Variants in NETO1 observed in about 807,000 individuals in gnomAD.
The protein encoded by NETO1 is neuropilin and tolloid-like protein 1.
In NETO1, 26 loss-of-function variants were observed where a neutral mutation model predicts 61.3. The ratio of observed to expected loss-of-function variants is 0.42; its 90% CI spans 0.31 to 0.59. The LOEUF is 0.59. Ranked by LOEUF, NETO1 falls within the 20% of genes least tolerant of loss-of-function variation. The pLI, the probability that NETO1 is intolerant of heterozygous loss-of-function variation, is 0.12. For missense variants in NETO1, 531 were observed against 662.8 expected, an observed-to-expected ratio of 0.80 and a Z score of 2.18; for synonymous variants, 225 against 225.8, an observed-to-expected ratio of 1.00 and a Z score of 0.03.
At chr18:72,829,353 A>C (rs1479364647) in intron 4 of NETO1, among the ~76,000 whole-genome samples, 1 of 152,172 alleles carries the variant, frequency 6.6e-6, no homozygotes, top group Admixed American at 6.5e-5. Flanking sequence ...ATTTTCCTTA[A>C]AGAAACTTAA....
At chr18:72,863,652 A>G (rs2074647718) in intron 3 of NETO1, among the ~76,000 whole-genome samples, 1 of 152,156 alleles carries the variant, frequency 6.6e-6, no homozygotes, top group Non-Finnish European at 1.5e-5. Context: ...TGGCCCAATA[A>G]TTACCAAAAA....
At chr18:72,817,148 A>C (rs2145256762) in intron 4 of NETO1, among the ~76,000 whole-genome samples, 1 of 152,340 alleles carries the variant, frequency 6.6e-6, no homozygotes, top group Non-Finnish European at 1.5e-5. Flanking sequence ...TTCTTTCACC[A>C]ATAGAATGGA....
intron 4 of NETO1, among the ~76,000 whole-genome samples, chr18:72,824,302 A>G (rs72968321): frequency 1.3e-5 from 2 of 152,056 alleles, no homozygotes; most frequent in African/African-American, 4.8e-5. Flanking sequence ...GGTAAACTTC[A>G]TTTCTAGTCT....
intron 4 of NETO1, among the ~76,000 whole-genome samples, chr18:72,820,265 G>A (rs1362380044): frequency 7.9e-5 from 12 of 152,150 alleles, no homozygotes; most frequent in African/African-American, 2.7e-4. Flanking sequence ...AACGTATGCA[G>A]ATAAAATTTA....
chr18:72,830,123 T>G lies in NETO1; in HGVS notation c.469+28703A>C, dbSNP rs2073526064. Among the ~76,000 whole-genome samples the G allele has an allele frequency of 6.6e-6, 1 of 152,140 alleles. No individual in the cohort carries two copies. On this transcript the variant is annotated intron_variant, in intron 4 of 10. Coordinates refer to ENST00000327305, the MANE Select transcript of NETO1 (RefSeq NM_138966.5). The surrounding 1 kb of genome is among the most constrained non-coding windows in gnomAD (Gnocchi z 4.9). ...CTATGTGGCTGAAATATGAAGGAAG[T>G]ACTATAAAACCTATGGCTTTATCAT... is the stretch of plus-strand genomic sequence containing the variant.
At chr18:72,752,099 G>A (rs977149494) in intron 8 of NETO1, 1 of 152,090 alleles carries the variant, frequency 6.6e-6, no homozygotes, top group Non-Finnish European at 1.5e-5. Context: ...GACAGTTAGT[G>A]TCTTAAGAGC....
intron 4 of NETO1, among the ~76,000 whole-genome samples, chr18:72,825,290 T>C (rs1208354938): frequency 6.6e-6 from 1 of 152,206 alleles, no homozygotes; most frequent in Non-Finnish European, 1.5e-5. Context: ...ATGCTGGTTT[T>C]CTATGTCTTC....
chr18:72,782,325 T>G (rs10084088), intron 7 of NETO1, among the ~76,000 whole-genome samples: 50,787 of 152,004 alleles, frequency 0.33, 8,750 homozygotes, highest in Admixed American at 0.46. Flanking sequence ...AACACACACA[T>G]GCATGTGTCT....
intron 7 of NETO1, among the ~76,000 whole-genome samples, chr18:72,768,501 C>A (rs1229955379): frequency 3.9e-5 from 6 of 152,170 alleles, no homozygotes. Context: ...TAATGGCTCT[C>A]CAAGTTGTCC....
Position 72,834,198 on chromosome 18 carries a change from T to A in NETO1, c.469+24628A>T, listed in dbSNP as rs2073669571. The A allele has an allele frequency of 1.5e-5, 9 of 599,504 alleles. No homozygotes were observed. The South Asian group carries it at 6.7e-4, about 45-fold the overall frequency. The allele number at this position is 599,504 out of a possible 1,614,324, so 37.1% of individuals were successfully genotyped here. A position where few individuals can be genotyped will look rare whatever the true frequency, so the allele number is the denominator to read the frequency against. Reference sequence around the variant, plus strand: ...TTTAATAAAATACAACATATATGCATATTAGTGTACTGTAAAATACGTATT... The same window carrying A: ...TTTAATAAAATACAACATATATGCAAATTAGTGTACTGTAAAATACGTATT... On this transcript the variant is annotated intron_variant, in intron 4 of 10. Transcript: ENST00000327305.
At chr18:72,766,218 AT>A (rs758283624) in intron 7 of NETO1, among the ~76,000 whole-genome samples, 3,424 of 75,334 alleles carry the variant, frequency 0.045, 37 homozygotes, top group Middle Eastern at 0.055. Context: ...AAAAAAAAAA[AT>A]ATGTGTGTGT....
intron 7 of NETO1, among the ~76,000 whole-genome samples, chr18:72,769,808 C>T (rs1220052549): frequency 2.0e-5 from 3 of 152,066 alleles, no homozygotes; most frequent in African/African-American, 4.8e-5. Context: ...TATCAATCTA[C>T]CACATCATCT....
intron 4 of NETO1, among the ~76,000 whole-genome samples, chr18:72,808,439 G>GTGTGTGTGTGTC (rs2072753441): frequency 6.6e-6 from 1 of 151,538 alleles, no homozygotes; most frequent in South Asian, 2.1e-4. Context: ...GTGTGTGTGT[G>GTGTGTGTGTGTC]TGTGTGTGTG....
chr18:72,775,486 T>G (rs1350717917), intron 7 of NETO1, among the ~76,000 whole-genome samples: 1 of 152,192 alleles, frequency 6.6e-6, no homozygotes, highest in Non-Finnish European at 1.5e-5. Flanking sequence ...CGTTATAGTG[T>G]ACTTTTGTCT....
At chr18:72,781,503 A>G (rs942425518) in intron 7 of NETO1, among the ~76,000 whole-genome samples, 2 of 152,234 alleles carry the variant, frequency 1.3e-5, no homozygotes, top group Admixed American at 6.5e-5. Flanking sequence ...AACCAAATAC[A>G]TAACAGCATA....
intron 6 of NETO1, among the ~76,000 whole-genome samples, chr18:72,790,314 A>C (rs2145261408): frequency 6.6e-6 from 1 of 152,298 alleles, no homozygotes; most frequent in South Asian, 2.1e-4. Flanking sequence ...AATATAAACA[A>C]GTATTATTTG....
At chr18:72,776,241 C>T (rs1463908427) in intron 7 of NETO1, among the ~76,000 whole-genome samples, 1 of 152,104 alleles carries the variant, frequency 6.6e-6, no homozygotes, top group Non-Finnish European at 1.5e-5. Flanking sequence ...TAACCCATAT[C>T]GTAGAAACTA....
intron 1 of NETO1, chr18:72,865,548 AG>A: frequency 6.2e-7 from 1 of 1,601,708 alleles, no homozygotes; most frequent in South Asian, 1.1e-5. Flanking sequence ...GTGGGACTAC[AG>A]GAGTCACACT....
chr18:72,865,612 A>G (rs1471902035), intron 1 of NETO1: 3 of 1,600,960 alleles, frequency 1.9e-6, no homozygotes, highest in South Asian at 2.3e-5. Flanking sequence ...GAATGAAGAG[A>G]GGGGCCAGAA....
Sources: allele counts gnomAD v4.1 joint callset (sites outside exome capture counted in the v4.1 genomes callset), GRCh38; gene constraint gnomAD v4.1.1; non-coding constraint Gnocchi (gnomAD v3.1); transcripts MANE v1.5; gene names NCBI Gene and HGNC (gene_info 2026-07-23, HGNC 2026-07-21).